WIPF1: variants seen among roughly 807,000 people sequenced by gnomAD.
The protein encoded by WIPF1 is WAS/WASL-interacting protein family member 1.
A neutral mutation model predicts 35.4 loss-of-function variants in WIPF1; 13 were observed. The ratio of observed to expected loss-of-function variants is 0.37; its 90% CI spans 0.24 to 0.58. WIPF1 has a LOEUF of 0.58. Ranked by LOEUF, WIPF1 falls within the 20% of genes least tolerant of loss-of-function variation. The pLI, the probability that WIPF1 is intolerant of heterozygous loss-of-function variation, is 0.74. For synonymous variants in WIPF1, 267 were observed against 266.3 expected (o/e 1.00, Z -0.02); for missense variants, 591 against 667.0 (o/e 0.89, Z 1.25).
rs770105478 is a variant in WIPF1, at chr2:174,575,318, C to T, written c.244G>A (p.Gly82Arg). The change falls in exon 4 of 8, where the codon GGA (glycine) becomes AGA (arginine). Residue 82 changes from glycine (G) to arginine (R), a missense_variant. Gly to Arg is a moderately radical substitution (Grantham distance 125, BLOSUM62 -2). Coordinates refer to ENST00000679041, the MANE Select transcript of WIPF1 (RefSeq NM_001375834.1). ...CCACCGCCTCCGCCACCACCTCCTCCGCCAAATCCGCCGCCTCCACCAAAG... is the reference window on the plus strand; with the variant it reads ...CCACCGCCTCCGCCACCACCTCCTCTGCCAAATCCGCCGCCTCCACCAAAG... ...GGFGGGGGFG[G>R]GGGGGGGGSF... The T allele has an allele frequency of 4.3e-5, 69 of 1,613,814 alleles. No homozygotes were observed. The highest frequency in any genetic ancestry group is 5.0e-5 in the Non-Finnish European group (59 of 1,179,932).
intron 3 of WIPF1, 44 bp downstream of exon 3, chr2:174,581,266 C>T (rs1414299385): frequency 1.9e-6 from 3 of 1,610,152 alleles, no homozygotes; most frequent in Non-Finnish European, 2.5e-6. Flanking sequence ...ATTATTAGGC[C>T]ATAAACTGTT....
At chr2:174,614,253 C>T (rs955814989) in intron 1 of WIPF1, among the ~76,000 whole-genome samples, 1 of 152,176 alleles carries the variant, frequency 6.6e-6, no homozygotes, top group African/African-American at 2.4e-5. Flanking sequence ...AGCCGAATGC[C>T]GAGCCACTTG....
At chr2:174,607,382 A>T (rs1686203784) in intron 1 of WIPF1, among the ~76,000 whole-genome samples, 1 of 152,164 alleles carries the variant, frequency 6.6e-6, no homozygotes, top group Non-Finnish European at 1.5e-5. Flanking sequence ...CAACCTGGGC[A>T]ACAGAGCAGG....
intron 5 of WIPF1, chr2:174,568,624 G>A (rs1684740600): frequency 6.6e-6 from 1 of 152,544 alleles, no homozygotes; most frequent in South Asian, 2.1e-4. Flanking sequence ...CCTGAGAGCA[G>A]TAAGAGTTTC....
chr2:174,669,850 T>C (rs1687970420), intron 1 of WIPF1, among the ~76,000 whole-genome samples: 1 of 152,156 alleles, frequency 6.6e-6, no homozygotes, highest in Non-Finnish European at 1.5e-5. Context: ...CACTCCAGCC[T>C]GGGTGACAGC....
In WIPF1 at chr2:174,585,586, T is replaced by G; in HGVS notation, c.-13A>C. 2 of 1,612,462 alleles carry G rather than the reference T, an allele frequency of 1.2e-6. No homozygotes were observed. Among genetic ancestry groups the G allele is most frequent in the Non-Finnish European group, 1.7e-6 (2 of 1,179,200 alleles). Reference sequence around the variant, plus strand: ...GAGGGACAGGCATCTTGGGCAGTTATGCGTTCAACAGTCTTGCTGATAAAT... The same window carrying G: ...GAGGGACAGGCATCTTGGGCAGTTAGGCGTTCAACAGTCTTGCTGATAAAT... On this transcript the variant is annotated 5_prime_UTR_variant, in exon 2 of 8. Coordinates refer to ENST00000679041, the MANE Select transcript of WIPF1 (RefSeq NM_001375834.1).
intron 1 of WIPF1, among the ~76,000 whole-genome samples, chr2:174,666,732 C>T (rs991280114): frequency 3.9e-5 from 6 of 152,232 alleles, no homozygotes; most frequent in African/African-American, 1.4e-4. Context: ...GCCCAGGGGC[C>T]TGGCTTTGCA....
intron 2 of WIPF1, among the ~76,000 whole-genome samples, chr2:174,583,361 T>C (rs1044490432): frequency 4.6e-5 from 7 of 152,344 alleles, no homozygotes; most frequent in Admixed American, 4.6e-4. Flanking sequence ...TGTGTCACAC[T>C]GGATCTCTTA....
At position 174,571,550 on chromosome 2, in the gene WIPF1, T is replaced by C. The variant is rs759858004; in HGVS notation, c.1129+126A>G. ...CACGATCACACGTGTCGTGTGCCACTTAAAAGCACAAAGCAGTCTGAGTTT... is the reference window on the plus strand; with the variant it reads ...CACGATCACACGTGTCGTGTGCCACCTAAAAGCACAAAGCAGTCTGAGTTT... On this transcript the variant is annotated intron_variant, in intron 5 of 7. Transcript: ENST00000679041. This position sits in a 1 kb window ranked among gnomAD's most constrained non-coding sequence, Gnocchi z 4.6. 1.5e-6 allele frequency: 2 copies of C among 1,358,684 alleles called. No homozygotes were observed. Among genetic ancestry groups the C allele is most frequent in the Non-Finnish European group, 2.1e-6 (2 of 948,096 alleles). The allele number at this position is 1,358,684 out of a possible 1,614,324, so 84.2% of individuals were successfully genotyped here.
rs1412621204 is a variant in WIPF1, at chr2:174,680,477, C to CCCTGGGAGGTCTTATTTA, written c.-39+2296_-39+2297insTAAATAAGACCTCCCAGG. ...AGGGAAGGCTTCAGGAAGACCACAG[C>CCCTGGGAGGTCTTATTTA]CCTGGGAGGTAAAATGACAAATATC... On this transcript the variant is annotated intron_variant, in intron 1 of 8. Transcript: ENST00000272746. Among the ~76,000 whole-genome samples, 11 of 152,258 alleles carry CCCTGGGAGGTCTTATTTA rather than the reference C, an allele frequency of 7.2e-5. No individual in the cohort carries two copies. In the East Asian group the frequency reaches 1.2e-3, roughly 16 times the overall value.
chr2:174,610,109 T>C (rs1686298639), intron 1 of WIPF1, among the ~76,000 whole-genome samples: 1 of 152,180 alleles, frequency 6.6e-6, no homozygotes, highest in Non-Finnish European at 1.5e-5. Context: ...AAAAACACTT[T>C]CGGGTTGCCT....
chr2:174,648,597 T>A (rs770598090), intron 1 of WIPF1, among the ~76,000 whole-genome samples: 1 of 152,236 alleles, frequency 6.6e-6, no homozygotes, highest in Non-Finnish European at 1.5e-5. Context: ...CTACTTCTTT[T>A]ATTATTGGAA....
intron 1 of WIPF1, among the ~76,000 whole-genome samples, chr2:174,639,556 T>G (rs1235141456): frequency 1.3e-5 from 2 of 151,380 alleles, no homozygotes; most frequent in African/African-American, 4.9e-5. Context: ...TATTTGTTTT[T>G]GGTTTTTTTG....
chr2:174,586,592 C>T lies in WIPF1; in HGVS notation c.-38-981G>A, dbSNP rs567812358. ...GGAAGTGCCTGGTGAGTTACACCAG[C>T]CAGGAGCCCTCTCCCCATTTCCTCT... On this transcript the variant is annotated intron_variant, in intron 1 of 7. Transcript: ENST00000679041. Among the ~76,000 whole-genome samples, 6 of 152,154 alleles carry T rather than the reference C, an allele frequency of 3.9e-5. No homozygotes were observed. The South Asian group carries it at 1.2e-3, about 32-fold the overall frequency.
intron 1 of WIPF1, chr2:174,587,673 T>G (rs893059660): frequency 6.6e-6 from 1 of 152,186 alleles, no homozygotes; most frequent in Non-Finnish European, 1.5e-5. Context: ...GGTCTCTGAC[T>G]CCTAAGACAG....
chr2:174,635,505 T>C (rs1687157628), intron 1 of WIPF1, among the ~76,000 whole-genome samples: 2 of 150,908 alleles, frequency 1.3e-5, no homozygotes, highest in African/African-American at 4.9e-5. Flanking sequence ...GCTTTCTTGT[T>C]CTACTCACTG....
upstream of WIPF1, among the ~76,000 whole-genome samples, chr2:174,601,640 A>G (rs1219749194): frequency 6.6e-6 from 1 of 152,250 alleles, no homozygotes; most frequent in Non-Finnish European, 1.5e-5. Context: ...CAGGTGCTGG[A>G]TGTAACAGTG....
In WIPF1 at chr2:174,567,884, C is replaced by T. The variant is rs1444419940; in HGVS notation, c.1319G>A (p.Gly440Asp). 6.2e-7 allele frequency: 1 copy of T among 1,603,512 alleles called. No homozygotes were observed. The highest frequency in any genetic ancestry group is 8.5e-7 in the Non-Finnish European group (1 of 1,173,976). ...ACCTTCACATGGAGAGTCTTGGAAGCCATTTCTAATAGATGTTGATGGTGG... is the reference window on the plus strand; with the variant it reads ...ACCTTCACATGGAGAGTCTTGGAAGTCATTTCTAATAGATGTTGATGGTGG... ...PPPPSTSIRNGFQDSPCEDEW... is the reference protein window; with the variant it reads ...PPPPSTSIRNDFQDSPCEDEW... The change falls in exon 6 of 8, where the codon GGC (glycine) becomes GAC (aspartate). Residue 440 changes from glycine to aspartate, a missense_variant. By Grantham distance (94) the Gly-to-Asp change is moderately conservative. Transcript: ENST00000679041.
chr2:174,666,108 T>C (rs146161919), intron 1 of WIPF1, among the ~76,000 whole-genome samples: 6 of 152,222 alleles, frequency 3.9e-5, no homozygotes, highest in African/African-American at 1.4e-4. Context: ...CAGTGAGACC[T>C]CATCTCTACA....
Sources: gnomAD v4.1 joint callset for allele counts (sites outside exome capture counted in the v4.1 genomes callset) on GRCh38, gnomAD v4.1.1 for gene constraint, Gnocchi (gnomAD v3.1) non-coding constraint, MANE v1.5 for transcripts, NCBI Gene and HGNC (gene_info 2026-07-23, HGNC 2026-07-21) for gene names.